COLEC10: variants seen among roughly 807,000 people sequenced by gnomAD.
COLEC10 encodes the protein collectin-10.
A neutral mutation model predicts 28.4 loss-of-function variants in COLEC10; 22 were observed. The ratio of observed to expected loss-of-function variants is 0.78; its 90% CI spans 0.55 to 1.11. The LOEUF (loss-of-function observed/expected upper bound fraction) is 1.11, where lower values mean the gene tolerates loss of function less well. COLEC10 is among the 50% of genes least tolerant of loss of function. The pLI is 0.00. For missense variants in COLEC10, 361 were observed against 344.1 expected (o/e 1.05, Z -0.39); for synonymous variants, 125 against 116.1 (o/e 1.08, Z -0.49).
intron 2 of COLEC10, among the ~76,000 whole-genome samples, chr8:119,061,367 C>T (rs1439268223): frequency 6.6e-6 from 1 of 150,820 alleles, no homozygotes; most frequent in African/African-American, 2.4e-5. Context: ...AAAGGACCTA[C>T]AGTTAGCCAA....
At chr8:119,003,067 A>G (rs1768439586) in intron 1 of COLEC10, among the ~76,000 whole-genome samples, 1 of 152,170 alleles carries the variant, frequency 6.6e-6, no homozygotes, top group Non-Finnish European at 1.5e-5. Flanking sequence ...TTTGAAATGC[A>G]TGTGTAACTA....
At chr8:119,104,611 T>C (rs1184427424) in intron 5 of COLEC10, among the ~76,000 whole-genome samples, 2 of 152,170 alleles carry the variant, frequency 1.3e-5, no homozygotes, top group Non-Finnish European at 2.9e-5. Flanking sequence ...TTAAAATTGG[T>C]TTCTTTTTCT....
At position 119,014,259 on chromosome 8, in the gene COLEC10, G is replaced by A. The variant is rs1015500918; in HGVS notation, n.235+4706G>A. Reference sequence around the variant, plus strand: ...ACATTTCTTGCAAGGTTGCTCTACCGGCATCAAATTCCTTCAATTTTTTTG... The same window carrying A: ...ACATTTCTTGCAAGGTTGCTCTACCAGCATCAAATTCCTTCAATTTTTTTG... On this transcript the variant is annotated intron_variant and non_coding_transcript_variant, in intron 2 of 6. Transcript: ENST00000521788. Among the ~76,000 whole-genome samples the A allele has an allele frequency of 3.3e-5, 5 of 149,268 alleles. 1 individual carries two copies. The highest frequency in any genetic ancestry group is 1.0e-4 in the African/African-American group (4 of 39,486).
chr8:119,095,105 A>G (rs1815683507), intron 3 of COLEC10, among the ~76,000 whole-genome samples: 1 of 152,258 alleles, frequency 6.6e-6, no homozygotes, highest in South Asian at 2.1e-4. Context: ...AATAATCTAT[A>G]GATAATCTAT....
At chr8:118,959,517 A>G in the COLEC10 span, among the ~76,000 whole-genome samples, 1 of 152,214 alleles carries the variant, frequency 6.6e-6, no homozygotes, top group Non-Finnish European at 1.5e-5. Flanking sequence ...AGGCACTTAG[A>G]GCAATGCCTG....
In COLEC10 at chr8:119,105,913, C is replaced by T. The variant is rs767582735; in HGVS notation, c.556C>T (p.Pro186Ser). ...GATTCGGGGTGGAATGCTAGCCATGCCCAAGGATGAAGCTGCCAACACACT... is the reference window on the plus strand; with the variant it reads ...GATTCGGGGTGGAATGCTAGCCATGTCCAAGGATGAAGCTGCCAACACACT... ...CRIRGGMLAM[P>S]KDEAANTLIA... Residue 186 changes from proline (P) to serine (S), a missense_variant, in exon 6 of 6, where the codon CCC (proline) becomes TCC (serine). By Grantham distance (74) the Pro-to-Ser change is moderately conservative (BLOSUM62 -1). Coordinates refer to ENST00000332843, the MANE Select transcript of COLEC10 (RefSeq NM_006438.5). 4 of 1,613,832 alleles carry T rather than the reference C, an allele frequency of 2.5e-6. No homozygotes were observed. Among genetic ancestry groups the T allele is most frequent in the Admixed American group, 1.7e-5 (1 of 59,940 alleles).
At chr8:118,989,726 A>G in the COLEC10 span, among the ~76,000 whole-genome samples, 4 of 151,200 alleles carry the variant, frequency 2.6e-5, no homozygotes, top group African/African-American at 7.3e-5. Flanking sequence ...AAAAATTTGC[A>G]TGTGTGTGTG....
upstream of COLEC10, among the ~76,000 whole-genome samples, chr8:119,062,301 C>T (rs965740789): frequency 6.6e-6 from 1 of 151,826 alleles, no homozygotes; most frequent in East Asian, 1.9e-4. Flanking sequence ...CAGTGTGTTA[C>T]TCAAAAATAC....
At chr8:119,012,056 A>T (rs1374918507) in intron 2 of COLEC10, among the ~76,000 whole-genome samples, 1 of 150,768 alleles carries the variant, frequency 6.6e-6, no homozygotes, top group African/African-American at 2.5e-5. Flanking sequence ...TTAGCAGGAA[A>T]GCTTAGAGTT....
chr8:119,064,825 A>G (rs1814923557), upstream of COLEC10, among the ~76,000 whole-genome samples: 1 of 152,040 alleles, frequency 6.6e-6, no homozygotes, highest in African/African-American at 2.4e-5. Context: ...CACTTTTTCA[A>G]TGGATGACCT....
intron 2 of COLEC10, among the ~76,000 whole-genome samples, chr8:119,014,836 C>G (rs1563717166): frequency 6.6e-6 from 1 of 151,024 alleles, no homozygotes; most frequent in Non-Finnish European, 1.5e-5. Context: ...TTTTTTCCCT[C>G]TACTGTGTCC....
At chr8:119,068,118 T>C (rs932222502) in intron 1 of COLEC10, 4 of 152,194 alleles carry the variant, frequency 2.6e-5, no homozygotes, top group African/African-American at 9.7e-5. Context: ...TTCACCCTTT[T>C]GTTCTGAAAG....
intron 2 of COLEC10, among the ~76,000 whole-genome samples, chr8:119,033,027 C>T (rs1032167254): frequency 6.6e-6 from 1 of 152,060 alleles, no homozygotes; most frequent in African/African-American, 2.4e-5. Flanking sequence ...CTTTTTTACG[C>T]TGTAGTTAGG....
At chr8:118,989,388 G>A in the COLEC10 span, among the ~76,000 whole-genome samples, 1 of 151,880 alleles carries the variant, frequency 6.6e-6, no homozygotes. Context: ...GCCTATAGTT[G>A]GAATACCAGA....
chr8:119,104,780 T>C (rs1411517656), intron 5 of COLEC10, among the ~76,000 whole-genome samples: 1 of 152,206 alleles, frequency 6.6e-6, no homozygotes, highest in Non-Finnish European at 1.5e-5. Flanking sequence ...TAATCTGTAC[T>C]GAAGATTCTG....
At chr8:118,978,108 T>C in the COLEC10 span, among the ~76,000 whole-genome samples, 1 of 152,114 alleles carries the variant, frequency 6.6e-6, no homozygotes, top group Non-Finnish European at 1.5e-5. Context: ...TTCATATAAG[T>C]TGACAGGATA....
At chr8:119,059,284 C>T (rs543695135) in intron 2 of COLEC10, among the ~76,000 whole-genome samples, 1 of 151,264 alleles carries the variant, frequency 6.6e-6, no homozygotes, top group Non-Finnish European at 1.5e-5. Flanking sequence ...CTACATAACC[C>T]AAGGTTGCAG....
chr8:119,092,751 C>T (rs921297799), intron 3 of COLEC10, among the ~76,000 whole-genome samples: 1 of 151,860 alleles, frequency 6.6e-6, no homozygotes, highest in African/African-American at 2.4e-5. Flanking sequence ...ACTAAAAATA[C>T]AAAAATTAAC....
chr8:118,972,908 C>T, the COLEC10 span, among the ~76,000 whole-genome samples: 3 of 151,936 alleles, frequency 2.0e-5, no homozygotes, highest in Non-Finnish European at 4.4e-5. Flanking sequence ...GAGAAGCTAA[C>T]GTATTTTTCT....
Sources: allele counts gnomAD v4.1 joint callset (sites outside exome capture counted in the v4.1 genomes callset), GRCh38; gene constraint gnomAD v4.1.1; transcripts MANE v1.5; gene names NCBI Gene and HGNC (gene_info 2026-07-23, HGNC 2026-07-21).